The following ZNF483 variants were observed in gnomAD, a reference collection of about 807,000 sequenced individuals.
The protein encoded by ZNF483 is zinc finger protein 483, also known as zinc finger protein HIT-10.
Under a neutral mutation model 28.6 loss-of-function variants are expected in ZNF483, and 9 were observed. The ratio of observed to expected loss-of-function variants is 0.32; its 90% CI spans 0.19 to 0.55. ZNF483 has a LOEUF of 0.55. Among genes scored for constraint, ZNF483 ranks in the 20% least tolerant of loss-of-function variants. The pLI is 0.93. For missense variants in ZNF483, 675 were observed against 871.7 expected, an observed-to-expected ratio of 0.77 and a Z score of 2.84; for synonymous variants, 322 against 306.2, an observed-to-expected ratio of 1.05 and a Z score of -0.54.
chr9:111,539,451 G>C (rs1015107371), intron 5 of ZNF483: 4 of 455,862 alleles, frequency 8.8e-6, no homozygotes, highest in African/African-American at 6.0e-5. Flanking sequence ...TTTAGGAAGT[G>C]TGATTTGATA....
intron 5 of ZNF483, among the ~76,000 whole-genome samples, chr9:111,537,653 G>T (rs564742865): frequency 1.3e-5 from 2 of 152,040 alleles, no homozygotes; most frequent in African/African-American, 4.8e-5. Context: ...TTGTGACAGG[G>T]TCTTGCTCTG....
intron 5 of ZNF483, among the ~76,000 whole-genome samples, chr9:111,535,211 G>A (rs904502731): frequency 6.6e-6 from 1 of 152,236 alleles, no homozygotes; most frequent in Admixed American, 6.5e-5. Context: ...AGCAGGGGTT[G>A]TCAGGTAATA....
In ZNF483 at chr9:111,542,661, G is replaced by GAGA; in HGVS notation, c.1728_1730dup (p.Lys577dup). 1 of 1,614,070 alleles carries GAGA rather than the reference G, an allele frequency of 6.2e-7. No homozygotes were observed. Among genetic ancestry groups the GAGA allele is most frequent in the Non-Finnish European group, 8.5e-7 (1 of 1,180,000 alleles). Reference sequence around the variant, plus strand: ...CAAACATCAGAGAATTCATACTGGAGAGAAACCCTATAAATGTGGCGAATG... The same window carrying GAGA: ...CAAACATCAGAGAATTCATACTGGAGAGAAGAAACCCTATAAATGTGGCGAATG... On this transcript the variant is annotated inframe_insertion, in exon 6 of 6. Transcript: ENST00000309235. This position sits in a 1 kb window ranked among gnomAD's most constrained non-coding sequence, Gnocchi z 6.2.
Position 111,543,685 on chromosome 9 carries a change from AT to A in ZNF483, c.*524del, listed in dbSNP as rs891237238. ...ATCTCTGAAGCTGTGGACATAAGTT[AT>A]TTTTTTTTATTTGTCATTACTTTCA... On this transcript the variant is annotated 3_prime_UTR_variant, in exon 6 of 6. Coordinates refer to ENST00000309235, the MANE Select transcript of ZNF483 (RefSeq NM_133464.5). The A allele has an allele frequency of 1.2e-4, 116 of 958,234 alleles. No homozygotes were observed. The highest frequency in any genetic ancestry group is 5.4e-4 in the Middle Eastern group (1 of 1,850). 59.4% of individuals were successfully genotyped at this position (958,234 alleles called of 1,614,324 possible).
chr9:111,539,348 A>G (rs542871424), intron 5 of ZNF483: 3 of 422,458 alleles, frequency 7.1e-6, no homozygotes, highest in African/African-American at 4.1e-5. Flanking sequence ...GACCAGAGAT[A>G]GTACTCAGGG....
chr9:111,567,363 T>C (rs144082611), intron 5 of ZNF483, among the ~76,000 whole-genome samples: 2,576 of 152,246 alleles, frequency 0.017, 42 homozygotes, highest in South Asian at 0.072. Flanking sequence ...AATTTTTGTA[T>C]TTTTAGTAGA....
At chr9:111,536,493 C>T (rs1172636749) in intron 5 of ZNF483, among the ~76,000 whole-genome samples, 1 of 152,144 alleles carries the variant, frequency 6.6e-6, no homozygotes. Flanking sequence ...CCACAGCACT[C>T]CAGCCTGGGC....
intron 5 of ZNF483, among the ~76,000 whole-genome samples, chr9:111,568,350 C>T (rs995081915): frequency 5.3e-5 from 8 of 152,116 alleles, no homozygotes; most frequent in Admixed American, 2.0e-4. Context: ...CACTGAAATA[C>T]GCCCTGATCT....
intron 4 of ZNF483, among the ~76,000 whole-genome samples, 163 bp downstream of exon 4, chr9:111,534,028 A>G (rs559157725): frequency 6.6e-6 from 1 of 152,338 alleles, no homozygotes; most frequent in African/African-American, 2.4e-5. Flanking sequence ...GCTTTTCTGC[A>G]GCGTATCTTC....
chr9:111,542,825 A>G lies in ZNF483; in HGVS notation c.1890A>G (p.Ser630=). 1 of 1,614,130 alleles carries G rather than the reference A, an allele frequency of 6.2e-7. No individual in the cohort carries two copies. The highest frequency in any genetic ancestry group is 8.5e-7 in the Non-Finnish European group (1 of 1,180,012). ...TSVIYHQRLH[S]GEKPYKCNQC... ...TGATTTATCATCAAAGACTTCATTC[A>G]GGAGAAAAACCCTACAAATGTAACC... The change falls in exon 6 of 6, where the codon TCA becomes TCG. Residue 630 remains serine (S), a synonymous_variant. Transcript: ENST00000309235. The surrounding 1 kb of genome is among the most constrained non-coding windows in gnomAD (Gnocchi z 6.2).
chr9:111,563,386 G>T, intron 5 of ZNF483: 1 of 668,658 alleles, frequency 1.5e-6, no homozygotes, highest in Non-Finnish European at 2.4e-6. Context: ...GTCAAGGTGG[G>T]GCAAGATCCA....
intron 2 of ZNF483, among the ~76,000 whole-genome samples, chr9:111,529,530 A>G (rs1263547783): frequency 1.3e-5 from 2 of 152,348 alleles, no homozygotes; most frequent in East Asian, 1.9e-4. Flanking sequence ...TGGTGCTTTC[A>G]TTCAGTTAGC....
intron 5 of ZNF483, among the ~76,000 whole-genome samples, chr9:111,568,426 C>CTGG (rs1458599962): frequency 5.9e-5 from 9 of 152,298 alleles, no homozygotes; most frequent in Admixed American, 3.3e-4. Flanking sequence ...TGTGGTCAGA[C>CTGG]TGGTTCTCTG....
rs1270643476 is a variant in ZNF483 at position 111,560,960 on chromosome 9, TATATATATATATATAGAGAGAG to T, written c.722-15403_722-15382del. 2.3e-4 allele frequency among the ~76,000 whole-genome samples: 10 copies of T among 44,190 alleles called. 1 individual carries two copies. The highest frequency in any genetic ancestry group is 1.2e-3 in the East Asian group (2 of 1,630). The allele number at this position is 44,190 out of a possible 152,430, so 29.0% of individuals were successfully genotyped here. On this transcript the variant is annotated intron_variant, in intron 5 of 5. Coordinates refer to the ZNF483 transcript ENST00000358151. ...TCCATCTAAAATATATATATATATA[TATATATATATATATAGAGAGAG>T]AGAGAGAGAGAGAGAGAGAGAGAGA...
intron 5 of ZNF483, among the ~76,000 whole-genome samples, chr9:111,567,278 C>T (rs183323302): frequency 1.1e-4 from 16 of 152,270 alleles, no homozygotes; most frequent in Non-Finnish European, 1.9e-4. Flanking sequence ...ACCTCCGCCT[C>T]CCAGGTTCAA....
At chr9:111,535,922 A>G (rs1425140552) in intron 5 of ZNF483, among the ~76,000 whole-genome samples, 1 of 137,396 alleles carries the variant, frequency 7.3e-6, no homozygotes, top group Non-Finnish European at 1.6e-5. Context: ...TTTGAGACAG[A>G]GTTACCCAGG....
At position 111,543,856 on chromosome 9, in the gene ZNF483, G is replaced by A. The variant is rs1307978653; in HGVS notation, c.*686G>A. 1.7e-5 allele frequency: 17 copies of A among 974,906 alleles called. No individual in the cohort carries two copies. Among genetic ancestry groups the A allele is most frequent in the Non-Finnish European group, 2.1e-5 (17 of 822,294 alleles). 60.4% of individuals were successfully genotyped at this position (974,906 alleles called of 1,614,324 possible). On this transcript the variant is annotated 3_prime_UTR_variant, in exon 6 of 6. Transcript: ENST00000309235. ...ACTGGTCTTGAACTCCTGGGCTCAA[G>A]TGATCCTTCCATCTCACTTTCCTGA...
In ZNF483 at chr9:111,541,844, T is replaced by C. The variant is rs927450236; in HGVS notation, c.909T>C (p.Asp303=). ...GTAGGGGTAAGAAATTTGACCCAGA[T>C]AAAAGCCCCTTTGGACATAATTTCA... The part of the protein sequence containing the change: ...SGSRGKKFDP[D]KSPFGHNFKE... Residue 303 remains aspartate, a synonymous_variant, in exon 6 of 6, where the codon GAT becomes GAC. Coordinates refer to ENST00000309235, the MANE Select transcript of ZNF483 (RefSeq NM_133464.5). The C allele has an allele frequency of 6.2e-7, 1 of 1,614,012 alleles. No homozygotes were observed. Among genetic ancestry groups the C allele is most frequent in the African/African-American group, 1.3e-5 (1 of 74,998 alleles).
chr9:111,534,314 C>A lies in ZNF483; in HGVS notation c.682C>A (p.Pro228Thr). Residue 228 changes from proline (P) to threonine (T), a missense_variant, in exon 5 of 6, where the codon CCA becomes ACA. Coordinates refer to ENST00000309235, the MANE Select transcript of ZNF483 (RefSeq NM_133464.5). ...LISQLKWVEL[P>T]WLLEEVSKSS... ...TTCCCAGCTAAAGTGGGTTGAATTG[C>A]CATGGCTGCTGGAAGAAGTCTCAAA... is the stretch of plus-strand genomic sequence containing the variant. The A allele has an allele frequency of 6.2e-7, 1 of 1,614,124 alleles. No homozygotes were observed.
Sources: allele counts gnomAD v4.1 joint callset (sites outside exome capture counted in the v4.1 genomes callset), GRCh38; gene constraint gnomAD v4.1.1; non-coding constraint Gnocchi (gnomAD v3.1); transcripts MANE v1.5; gene names NCBI Gene and HGNC (gene_info 2026-07-23, HGNC 2026-07-21).